TM9SF3: variants seen among roughly 807,000 people sequenced by gnomAD.
TM9SF3 encodes the protein SM-11044-binding protein.
A neutral mutation model predicts 78.6 loss-of-function variants in TM9SF3; 14 were observed. That is an observed-to-expected ratio of 0.18 (90% CI 0.12 to 0.28). The LOEUF (loss-of-function observed/expected upper bound fraction) is 0.28. TM9SF3 is among the 10% of genes least tolerant of loss of function. TM9SF3 has a pLI of 1.00. For synonymous variants in TM9SF3, 231 were observed against 241.7 expected, an observed-to-expected ratio of 0.96 and a Z score of 0.41; for missense variants, 496 against 721.9, an observed-to-expected ratio of 0.69 and a Z score of 3.59.
intron 9 of TM9SF3, among the ~76,000 whole-genome samples, chr10:96,535,201 A>G (rs1847943047): frequency 6.6e-6 from 1 of 152,202 alleles, no homozygotes; most frequent in Non-Finnish European, 1.5e-5. Context: ...TTTTTAATAT[A>G]TGATAAAAAA....
chr10:96,576,402 G>C (rs560846349), intron 2 of TM9SF3: 23 of 315,924 alleles, frequency 7.3e-5, no homozygotes, highest in Non-Finnish European at 1.3e-4. Flanking sequence ...TAAAGTAGTG[G>C]TTCTCAACTG....
rs1848640384 is a variant in TM9SF3 at position 96,586,885 on chromosome 10, C to T, written c.-50G>A. On this transcript the variant is annotated 5_prime_UTR_variant, in exon 1 of 15. Transcript: ENST00000371142. ...CCGGCTCACCGACTCCTCCTCCCGCCGCCGCCTCCTCCGCCGCCGCCGCCT... is the reference window on the plus strand; with the variant it reads ...CCGGCTCACCGACTCCTCCTCCCGCTGCCGCCTCCTCCGCCGCCGCCGCCT... The T allele has an allele frequency of 6.1e-6, 6 of 978,712 alleles. No homozygotes were observed. Among genetic ancestry groups the T allele is most frequent in the Non-Finnish European group, 7.6e-6 (6 of 786,270 alleles). The allele number at this position is 978,712 out of a possible 1,614,324, so 60.6% of individuals were successfully genotyped here.
Position 96,521,862 on chromosome 10 carries a change from G to A in TM9SF3, c.*401C>T, listed in dbSNP as rs1363362455. The stretch of plus-strand genomic sequence containing the variant: ...TTTTTCAATAACATAGAAACACTAA[G>A]TGCCAGGAAGATTCCTATTCATGTA... On this transcript the variant is annotated 3_prime_UTR_variant, in exon 15 of 15. Transcript: ENST00000371142. The A allele has an allele frequency of 6.1e-6, 1 of 162,890 alleles. No individual in the cohort carries two copies. Among genetic ancestry groups the A allele is most frequent in the African/African-American group, 2.4e-5 (1 of 41,492 alleles). 10.1% of individuals were successfully genotyped at this position (162,890 alleles called of 1,614,324 possible).
chr10:96,535,007 T>C (rs1308380346), intron 9 of TM9SF3, among the ~76,000 whole-genome samples: 3 of 152,218 alleles, frequency 2.0e-5, no homozygotes, highest in African/African-American at 7.2e-5. Flanking sequence ...ATTTGTTCAC[T>C]AAAAATTGTA....
chr10:96,532,966 C>G (rs1847914637), intron 10 of TM9SF3, 85 bp downstream of exon 10: 2 of 1,475,658 alleles, frequency 1.4e-6, no homozygotes, highest in Admixed American at 2.0e-5. Context: ...AAATACATAC[C>G]AATTCTAAAG....
Position 96,530,604 on chromosome 10 carries a change from T to C in TM9SF3, c.1330A>G (p.Met444Val). ...AGGCAAACAATAACCGCAGGCTCCATGAACCTGGAAAATATTAAAATTAAT... is the reference window on the plus strand; with the variant it reads ...AGGCAAACAATAACCGCAGGCTCCACGAACCTGGAAAATATTAAAATTAAT... ...PRPIPEKKWF[M>V]EPAVIVCLGG... The change falls in exon 11 of 15, where the codon ATG (methionine) becomes GTG (valine). Residue 444 changes from methionine to valine, a missense_variant. Physicochemically the swap from Met to Val is conservative, Grantham distance 21. Transcript: ENST00000371142. 1.2e-6 allele frequency: 2 copies of C among 1,610,054 alleles called. No homozygotes were observed. The highest frequency in any genetic ancestry group is 1.7e-6 in the Non-Finnish European group (2 of 1,178,352).
Position 96,543,335 on chromosome 10 carries a change from AGT to A in TM9SF3, c.1185+739_1185+740del, listed in dbSNP as rs1416514717. On this transcript the variant is annotated intron_variant, in intron 9 of 14. Coordinates refer to ENST00000371142, the MANE Select transcript of TM9SF3 (RefSeq NM_020123.4). ...ACGTATATTATTTACAAAAATGCTTAGTGAGATTCTTTTTTTTGAGATGGAGT... is the reference window on the plus strand; with the variant it reads ...ACGTATATTATTTACAAAAATGCTTAGAGATTCTTTTTTTTGAGATGGAGT... Among the ~76,000 whole-genome samples, 12 of 58,170 alleles carry A rather than the reference AGT, an allele frequency of 2.1e-4. No homozygotes were observed. The Admixed American group carries it at 2.8e-3, about 14-fold the overall frequency. 38.2% of individuals were successfully genotyped at this position (58,170 alleles called of 152,430 possible).
At chr10:96,533,461 T>C (rs963136734) in intron 9 of TM9SF3, among the ~76,000 whole-genome samples, 1 of 152,192 alleles carries the variant, frequency 6.6e-6, no homozygotes, top group Non-Finnish European at 1.5e-5. Flanking sequence ...ACAATCCCTT[T>C]TTCTCCTCTT....
Position 96,527,364 on chromosome 10 carries a change from G to T in TM9SF3, c.1625+49C>A, listed in dbSNP as rs368214862. On this transcript the variant is annotated intron_variant, in intron 13 of 14. Transcript: ENST00000371142. The stretch of plus-strand genomic sequence containing the variant: ...AAGGCCTTAAATATTAGTATTTAAA[G>T]GACAAATTTAGTTTCCTAAATAAAA... 8.0e-5 allele frequency: 127 copies of T among 1,590,030 alleles called. No homozygotes were observed. In the Admixed American group the frequency reaches 8.2e-4, roughly 10 times the overall value.
intron 5 of TM9SF3, among the ~76,000 whole-genome samples, chr10:96,553,678 A>G (rs1301869997): frequency 1.3e-5 from 2 of 152,152 alleles, no homozygotes; most frequent in Non-Finnish European, 2.9e-5. Context: ...CCCTGTCACC[A>G]TCATAATTCA....
intron 9 of TM9SF3, among the ~76,000 whole-genome samples, chr10:96,535,342 C>A (rs898017577): frequency 6.6e-6 from 1 of 152,110 alleles, no homozygotes; most frequent in Non-Finnish European, 1.5e-5. Flanking sequence ...AAAAAATTCA[C>A]ATGGAATGAA....
chr10:96,525,835 T>C (rs1232408163), intron 14 of TM9SF3, among the ~76,000 whole-genome samples: 1 of 151,974 alleles, frequency 6.6e-6, no homozygotes, highest in Non-Finnish European at 1.5e-5. Context: ...AGTAAAACAC[T>C]GAGCCCAAAA....
intron 11 of TM9SF3, 50 bp from the exon 12 acceptor site, chr10:96,528,227 T>C: frequency 1.3e-6 from 2 of 1,526,760 alleles, no homozygotes; most frequent in Non-Finnish European, 1.8e-6. Flanking sequence ...TTCTTAAAGC[T>C]CACTCTGCTC....
At chr10:96,583,499 A>G (rs1457911984) in intron 1 of TM9SF3, among the ~76,000 whole-genome samples, 1 of 152,208 alleles carries the variant, frequency 6.6e-6, no homozygotes, top group Non-Finnish European at 1.5e-5. Flanking sequence ...ACCACTCAAT[A>G]CCTAGTGCTT....
rs750229602 is a variant in TM9SF3, at chr10:96,547,986, C to T, written c.963G>A (p.Arg321=). Residue 321 remains arginine (R), a synonymous_variant, in exon 8 of 15, where the codon AGG becomes AGA. Coordinates refer to ENST00000371142, the MANE Select transcript of TM9SF3 (RefSeq NM_020123.4). ...VAMIEDLYTE[R]GSMLSTAIFV... ...ATATGGCTGTACTGAGCATTGATCC[C>T]CTCCTAAAAAGGCAAAAAAGAAAAA... 6.3e-7 allele frequency: 1 copy of T among 1,582,044 alleles called. No individual in the cohort carries two copies. The highest frequency in any genetic ancestry group is 8.6e-7 in the Non-Finnish European group (1 of 1,169,188).
At position 96,586,911 on chromosome 10, in the gene TM9SF3, C is replaced by T. The variant is rs1848641426; in HGVS notation, c.-76G>A. On this transcript the variant is annotated 5_prime_UTR_variant, in exon 1 of 15. Transcript: ENST00000371142. ...GCCGCCTCCTCCGCCGCCGCCGCCT[C>T]CGCCGCGGCCGATTCGCATCCACGG... 9 of 1,106,038 alleles carry T rather than the reference C, an allele frequency of 8.1e-6. No individual in the cohort carries two copies. The highest frequency in any genetic ancestry group is 4.3e-5 in the East Asian group (1 of 23,414). 68.5% of individuals were successfully genotyped at this position (1,106,038 alleles called of 1,614,324 possible).
At chr10:96,553,101 A>C in intron 5 of TM9SF3, 42 bp from the exon 6 acceptor site, 1 of 1,533,210 alleles carries the variant, frequency 6.5e-7, no homozygotes, top group South Asian at 1.3e-5. Context: ...CTGCAATATC[A>C]GCCACAAAAT....
chr10:96,575,297 T>G (rs1022491397), intron 2 of TM9SF3, among the ~76,000 whole-genome samples: 2 of 152,146 alleles, frequency 1.3e-5, no homozygotes, highest in African/African-American at 4.8e-5. Context: ...ATTTTCTAGT[T>G]TAAGTTTTCT....
chr10:96,554,693 T>TA (rs2134145887), intron 5 of TM9SF3, among the ~76,000 whole-genome samples: 1 of 152,214 alleles, frequency 6.6e-6, no homozygotes, highest in Admixed American at 6.5e-5. Context: ...CCCAAATTGC[T>TA]AGTCTTCTTT....
Sources: gnomAD v4.1 joint callset for allele counts (sites outside exome capture counted in the v4.1 genomes callset) on GRCh38, gnomAD v4.1.1 for gene constraint, MANE v1.5 for transcripts, NCBI Gene and HGNC (gene_info 2026-07-23, HGNC 2026-07-21) for gene names.